The following PTPRE variants were observed in gnomAD, a reference collection of about 807,000 sequenced individuals.
PTPRE encodes receptor-type tyrosine-protein phosphatase epsilon.
A neutral mutation model predicts 102.0 loss-of-function variants in PTPRE; 51 were observed. The observed-to-expected ratio is 0.50, with a 90% confidence interval of 0.40 to 0.63. The LOEUF is 0.63. Among genes scored for constraint, PTPRE ranks in the 30% least tolerant of loss-of-function variants. PTPRE has a pLI of 0.00. For missense variants in PTPRE, 752 were observed against 915.1 expected (o/e 0.82, Z 2.30); for synonymous variants, 345 against 348.2 (o/e 0.99, Z 0.10).
intron 2 of PTPRE, among the ~76,000 whole-genome samples, chr10:128,029,404 C>T (rs1203085767): frequency 1.3e-5 from 2 of 152,178 alleles, no homozygotes; most frequent in Non-Finnish European, 2.9e-5. Flanking sequence ...CACTAAAGAC[C>T]AGAAGAGTCG....
chr10:127,945,703 C>T (rs768377526), intron 1 of PTPRE, among the ~76,000 whole-genome samples: 6 of 152,080 alleles, frequency 3.9e-5, no homozygotes, highest in East Asian at 3.9e-4. Flanking sequence ...CTCCAAAGGG[C>T]GGGCCAACAG....
In PTPRE at chr10:128,083,857, G is replaced by T. The variant is rs1166338989; in HGVS notation, c.*951G>T. On this transcript the variant is annotated 3_prime_UTR_variant, in exon 21 of 21. Coordinates refer to ENST00000254667, the MANE Select transcript of PTPRE (RefSeq NM_006504.6). ...CGCAGTACAGAGGAGCACACATTAGGATAGAAACAGTAGAATAACCACGGG... is the reference window on the plus strand; with the variant it reads ...CGCAGTACAGAGGAGCACACATTAGTATAGAAACAGTAGAATAACCACGGG... 6.6e-6 allele frequency: 1 copy of T among 152,218 alleles called. No individual in the cohort carries two copies. The highest frequency in any genetic ancestry group is 1.5e-5 in the Non-Finnish European group (1 of 68,040). 9.4% of individuals were successfully genotyped at this position (152,218 alleles called of 1,614,324 possible).
At chr10:127,934,225 A>G (rs1300006324) in intron 1 of PTPRE, 2 of 152,136 alleles carry the variant, frequency 1.3e-5, no homozygotes, top group Non-Finnish European at 2.9e-5. Context: ...CAGAGCACCA[A>G]CCATGTCTGC....
At chr10:128,079,270 G>A (rs1297915208) in intron 19 of PTPRE, among the ~76,000 whole-genome samples, 2 of 152,178 alleles carry the variant, frequency 1.3e-5, no homozygotes, top group Non-Finnish European at 2.9e-5. Flanking sequence ...CCCTACACAA[G>A]GAAGAGGGGA....
chr10:128,028,969 G>T lies in PTPRE; in HGVS notation c.-7-11906G>T. 6.6e-6 allele frequency among the ~76,000 whole-genome samples: 1 copy of T among 152,212 alleles called. No individual in the cohort carries two copies. Among genetic ancestry groups the T allele is most frequent in the East Asian group, 1.9e-4 (1 of 5,194 alleles). On this transcript the variant is annotated intron_variant, in intron 2 of 20. Coordinates refer to ENST00000254667, the MANE Select transcript of PTPRE (RefSeq NM_006504.6). The surrounding 1 kb of genome is among the most constrained non-coding windows in gnomAD (Gnocchi z 4.5). ...GGTCCCCCCAGAGGCCTCCCGCTGG[G>T]ATTTGTCTCCACTTTGCAGTTGCCT...
chr10:127,922,374 C>A (rs550076259), intron 1 of PTPRE, among the ~76,000 whole-genome samples: 1 of 152,364 alleles, frequency 6.6e-6, no homozygotes, highest in South Asian at 2.1e-4. Context: ...GAGGCAGTCC[C>A]GTAAGGGGCT....
chr10:128,013,520 G>A (rs1461559135), intron 2 of PTPRE, among the ~76,000 whole-genome samples: 4 of 152,196 alleles, frequency 2.6e-5, no homozygotes, highest in African/African-American at 9.7e-5. Context: ...ATGGTAGACA[G>A]AGGAGGGATG....
At chr10:127,961,555 C>A (rs1457591158) in intron 1 of PTPRE, among the ~76,000 whole-genome samples, 1 of 152,166 alleles carries the variant, frequency 6.6e-6, no homozygotes, top group Admixed American at 6.5e-5. Context: ...CTGATGCTGG[C>A]AGGCACAGCC....
chr10:128,079,798 G>A, intron 20 of PTPRE, 103 bp downstream of exon 20: 1 of 1,410,066 alleles, frequency 7.1e-7, no homozygotes, highest in Non-Finnish European at 9.6e-7. Context: ...GGGGAGGTGG[G>A]AAGGTAAAAT....
intron 3 of PTPRE, among the ~76,000 whole-genome samples, chr10:128,045,044 C>T (rs933614331): frequency 3.3e-5 from 5 of 152,232 alleles, no homozygotes; most frequent in Admixed American, 6.5e-5. Context: ...CCAACTCTCG[C>T]CCCCACCTGG....
At chr10:128,058,286 C>G (rs1321994227) in intron 7 of PTPRE, among the ~76,000 whole-genome samples, 1 of 152,186 alleles carries the variant, frequency 6.6e-6, no homozygotes. Flanking sequence ...CACTGCAAGT[C>G]TTCTCTGAGC....
At chr10:127,973,730 T>C (rs760855578) in intron 1 of PTPRE, among the ~76,000 whole-genome samples, 1 of 152,148 alleles carries the variant, frequency 6.6e-6, no homozygotes, top group Non-Finnish European at 1.5e-5. Context: ...CTCGCTAATA[T>C]CCTCTGCATG....
At chr10:127,974,556 T>TATA (rs1213540936) in intron 1 of PTPRE, among the ~76,000 whole-genome samples, 4 of 152,218 alleles carry the variant, frequency 2.6e-5, no homozygotes, top group Non-Finnish European at 5.9e-5. Context: ...ACGATCTGTT[T>TATA]ATAAGCCTGT....
intron 1 of PTPRE, among the ~76,000 whole-genome samples, chr10:127,911,767 AG>A (rs1288201439): frequency 2.6e-5 from 4 of 152,118 alleles, no homozygotes; most frequent in Non-Finnish European, 5.9e-5. Context: ...ATCTAGAGAG[AG>A]TGAGGAGAGG....
At chr10:127,949,496 A>C (rs1274168849) in intron 1 of PTPRE, among the ~76,000 whole-genome samples, 1 of 152,212 alleles carries the variant, frequency 6.6e-6, no homozygotes, top group African/African-American at 2.4e-5. Context: ...ACTGTTTGTA[A>C]ATATGCAAAA....
At chr10:127,993,791 G>A (rs1406635097) in intron 2 of PTPRE, among the ~76,000 whole-genome samples, 1 of 152,102 alleles carries the variant, frequency 6.6e-6, no homozygotes, top group Non-Finnish European at 1.5e-5. Context: ...GTGTGTGCGT[G>A]TGTGTGTGTG....
At chr10:128,077,832 C>T (rs753795577) in intron 19 of PTPRE, 49 bp downstream of exon 19, 7 of 1,536,460 alleles carry the variant, frequency 4.6e-6, no homozygotes, top group African/African-American at 1.4e-5. Flanking sequence ...ACAGGCTGCA[C>T]CCCCCCAGTA....
chr10:127,969,852 T>G (rs1341820801), intron 1 of PTPRE, among the ~76,000 whole-genome samples: 3 of 152,286 alleles, frequency 2.0e-5, no homozygotes, highest in African/African-American at 4.8e-5. Flanking sequence ...CGGCACTTCA[T>G]GAAGGAGGCT....
intron 2 of PTPRE, among the ~76,000 whole-genome samples, chr10:127,983,480 A>G (rs900883560): frequency 6.6e-6 from 1 of 152,156 alleles, no homozygotes. Flanking sequence ...GATTAACTAT[A>G]TGAAATCTAC....
Sources: allele counts gnomAD v4.1 joint callset (sites outside exome capture counted in the v4.1 genomes callset), GRCh38; gene constraint gnomAD v4.1.1; non-coding constraint Gnocchi (gnomAD v3.1); transcripts MANE v1.5; gene names NCBI Gene and HGNC (gene_info 2026-07-23, HGNC 2026-07-21).